Variants in C3orf33 observed in about 807,000 individuals in gnomAD.
The protein encoded by C3orf33 is mitochondrial inner membrane subdomain organizer 1, also known as AP-1 activity suppressor.
In C3orf33, 23 loss-of-function variants were observed where a neutral mutation model predicts 28.7. The observed-to-expected ratio is 0.80, with a 90% CI of 0.58 to 1.13. The LOEUF (loss-of-function observed/expected upper bound fraction) is 1.13. Among genes scored for constraint, C3orf33 ranks in the 50% most tolerant of loss-of-function variants. The pLI is 0.00. For missense variants in C3orf33, 327 were observed against 353.4 expected (o/e 0.93, Z 0.60); for synonymous variants, 119 against 120.5 (o/e 0.99, Z 0.08).
intron 2 of C3orf33, among the ~76,000 whole-genome samples, chr3:155,784,715 G>C (rs934652448): frequency 2.6e-5 from 4 of 151,436 alleles, no homozygotes; most frequent in Non-Finnish European, 4.4e-5. Flanking sequence ...GAGAGAGTAA[G>C]ACTCTGTCTC....
At chr3:155,803,008 AC>A (rs1198578909) in intron 1 of C3orf33, among the ~76,000 whole-genome samples, 4 of 152,148 alleles carry the variant, frequency 2.6e-5, no homozygotes, top group African/African-American at 9.7e-5. Flanking sequence ...TACTTCCTAT[AC>A]AGTACCCATA....
intron 2 of C3orf33, among the ~76,000 whole-genome samples, chr3:155,792,244 G>C (rs574528021): frequency 6.6e-6 from 1 of 152,302 alleles, no homozygotes; most frequent in African/African-American, 2.4e-5. Context: ...TAGACTGTAA[G>C]AGCCACAGCG....
In C3orf33 at chr3:155,774,566, T is replaced by C. The variant is rs535668530; in HGVS notation, c.322+1135A>G. On this transcript the variant is annotated intron_variant, in intron 3 of 4. Transcript: ENST00000340171. The stretch of plus-strand genomic sequence containing the variant: ...AAAGTGGCATCTTACACCAAACCTG[T>C]CCAGTCTGCAGCCTGTGGGCCACAT... Among the ~76,000 whole-genome samples, 3 of 152,142 alleles carry C rather than the reference T, an allele frequency of 2.0e-5. No individual in the cohort carries two copies. The East Asian group carries it at 5.8e-4, about 29-fold the overall frequency.
chr3:155,789,725 G>A (rs773064622), intron 2 of C3orf33, among the ~76,000 whole-genome samples: 5 of 152,048 alleles, frequency 3.3e-5, no homozygotes, highest in Non-Finnish European at 5.9e-5. Context: ...AACATATTTA[G>A]AAGCTACAGT....
intron 2 of C3orf33, 72 bp from the exon 3 acceptor site, chr3:155,775,920 A>G (rs1453443205): frequency 2.6e-6 from 3 of 1,163,110 alleles, no homozygotes; most frequent in Non-Finnish European, 3.7e-6. Context: ...ATGTCAAATT[A>G]TCAAAACATT....
intron 2 of C3orf33, 122 bp from the exon 3 acceptor site, chr3:155,775,970 T>C: frequency 1.5e-6 from 1 of 666,486 alleles, no homozygotes; most frequent in South Asian, 2.1e-5. Context: ...AAAATTTAGT[T>C]CCTAATTTTA....
At chr3:155,790,227 G>GAA (rs796923838) in intron 2 of C3orf33, among the ~76,000 whole-genome samples, 58 of 65,774 alleles carry the variant, frequency 8.8e-4, no homozygotes, top group African/African-American at 2.7e-3. Context: ...ATGCAAAAAA[G>GAA]AAAAAAAAAA....
intron 2 of C3orf33, among the ~76,000 whole-genome samples, chr3:155,790,566 A>C (rs1751283899): frequency 6.6e-6 from 1 of 152,188 alleles, no homozygotes; most frequent in South Asian, 2.1e-4. Flanking sequence ...CACTGAATAG[A>C]ACAGAAAAGA....
In C3orf33 at chr3:155,778,934, G is replaced by T. The variant is rs189018185; in HGVS notation, c.175-3086C>A. Among the ~76,000 whole-genome samples, 225 of 152,212 alleles carry T rather than the reference G, an allele frequency of 1.5e-3. 1 individual carries two copies. Among genetic ancestry groups the T allele is most frequent in the African/African-American group, 5.0e-3 (207 of 41,534 alleles). On this transcript the variant is annotated intron_variant, in intron 2 of 4. Coordinates refer to ENST00000340171, the MANE Select transcript of C3orf33 (RefSeq NM_001308229.2). ...GGTTGTTTGGAAGGATATGACTGCT[G>T]GAAGTCAGGATAAGTATTCAAAAAG...
chr3:155,804,536 T>A (rs1399387420), intron 1 of C3orf33, among the ~76,000 whole-genome samples: 1 of 152,218 alleles, frequency 6.6e-6, no homozygotes, highest in Non-Finnish European at 1.5e-5. Flanking sequence ...TGCAAAGTTA[T>A]CTTACTCAAC....
chr3:155,763,734 TC>T lies in C3orf33; in HGVS notation c.667del (p.Glu223LysfsTer4). The T allele has an allele frequency of 6.3e-7, 1 of 1,595,380 alleles. No individual in the cohort carries two copies. Among genetic ancestry groups the T allele is most frequent in the Non-Finnish European group, 8.5e-7 (1 of 1,175,328 alleles). On this transcript the variant is annotated frameshift_variant, in exon 5 of 5. Coordinates refer to ENST00000340171, the MANE Select transcript of C3orf33 (RefSeq NM_001308229.2). LOFTEE classifies it high-confidence loss of function. ...ATCTTTGAATTTTTCTAAGTAACTT[TC>T]TTTTTCAGAGTCTTCCTTCCATATT... ...EGIWKEDSEK[E>X]SYLEKFKDSW...
At chr3:155,770,975 T>G (rs1750565643) in intron 3 of C3orf33, among the ~76,000 whole-genome samples, 1 of 147,698 alleles carries the variant, frequency 6.8e-6, no homozygotes. Flanking sequence ...TGTGTGTGTG[T>G]GTGTGTGTGT....
chr3:155,765,118 ACT>A (rs1750358181), intron 4 of C3orf33, among the ~76,000 whole-genome samples: 1 of 152,210 alleles, frequency 6.6e-6, no homozygotes, highest in Admixed American at 6.5e-5. Flanking sequence ...GTAAATTATC[ACT>A]CTATGTGTAT....
chr3:155,775,561 T>C (rs1370355903), intron 3 of C3orf33, 140 bp downstream of exon 3: 9 of 497,184 alleles, frequency 1.8e-5, no homozygotes, highest in Non-Finnish European at 2.7e-5. Context: ...TCCTTATATA[T>C]AAAGCCAAGA....
intron 3 of C3orf33, 22 bp downstream of exon 3, chr3:155,775,679 A>AT: frequency 6.9e-7 from 1 of 1,448,214 alleles, no homozygotes; most frequent in South Asian, 1.3e-5. Context: ...AGTTAGTTTC[A>AT]TTAATCTTGT....
At chr3:155,805,799 C>G (rs1210652677) in intron 1 of C3orf33, 1 of 490,198 alleles carries the variant, frequency 2.0e-6, no homozygotes, top group Non-Finnish European at 3.9e-6. Flanking sequence ...CCTGCTCTTC[C>G]TCGGTCTCCT....
intron 1 of C3orf33, 75 bp downstream of exon 1, chr3:155,806,064 G>T: frequency 9.6e-7 from 1 of 1,039,100 alleles, no homozygotes. Flanking sequence ...CCACGCCTGA[G>T]GCCTCACGTT....
chr3:155,795,962 T>A (rs114033932), intron 2 of C3orf33, among the ~76,000 whole-genome samples: 4,007 of 149,512 alleles, frequency 0.027, 59 homozygotes, highest in South Asian at 0.041. Flanking sequence ...TCTAAAAAAA[T>A]AATAATAATA....
chr3:155,805,459 CA>C (rs1217497064), intron 1 of C3orf33: 50 of 365,638 alleles, frequency 1.4e-4, no homozygotes, highest in East Asian at 2.2e-4. Context: ...GACCCTGTCT[CA>C]AAAAAAAGAA....
Sources: gnomAD v4.1 joint callset for allele counts (sites outside exome capture counted in the v4.1 genomes callset) on GRCh38, gnomAD v4.1.1 for gene constraint, MANE v1.5 for transcripts, NCBI Gene and HGNC (gene_info 2026-07-23, HGNC 2026-07-21) for gene names.